Variants in KIF7 observed in about 807,000 individuals in gnomAD.
The protein encoded by KIF7 is kinesin-like protein KIF7.
A neutral mutation model predicts 135.7 loss-of-function variants in KIF7; 104 were observed. The observed-to-expected ratio is 0.77, with a 90% CI of 0.65 to 0.90. The LOEUF is 0.90. KIF7 is among the 40% of genes least tolerant of loss of function. The pLI is 0.00. For synonymous variants in KIF7, 883 were observed against 809.4 expected, an observed-to-expected ratio of 1.09 and a Z score of -1.54; for missense variants, 2,005 against 1,839.1, an observed-to-expected ratio of 1.09 and a Z score of -1.65.
intron 11 of KIF7, among the ~76,000 whole-genome samples, chr15:89,635,050 C>A (rs1283988507): frequency 6.6e-6 from 1 of 152,090 alleles, no homozygotes; most frequent in African/African-American, 2.4e-5. Flanking sequence ...CTGGGAGGCA[C>A]CCCCCAGCAG....
chr15:89,652,781 G>A lies in KIF7; in HGVS notation c.150C>T (p.Gly50=), dbSNP rs1964144674. ...VEPGLGRVTL[G]RDRHFGFHVV... is the part of the protein sequence containing the mutation. ...CGTGGAAGCCAAAGTGTCGGTCACG[G>A]CCCAGAGTGACGCGGCCAAGCCCTG... is the stretch of plus-strand genomic sequence containing the variant. Residue 50 remains glycine (G), a synonymous_variant, in exon 2 of 19, where the codon GGC becomes GGT. Coordinates refer to ENST00000394412, the MANE Select transcript of KIF7 (RefSeq NM_198525.3). 3 of 1,551,460 alleles carry A rather than the reference G, an allele frequency of 1.9e-6. No individual in the cohort carries two copies. Among genetic ancestry groups the A allele is most frequent in the Non-Finnish European group, 2.6e-6 (3 of 1,146,970 alleles).
rs1963941783 is a variant in KIF7 at position 89,642,444 on chromosome 15, T to G, written c.2192-39A>C. ...GGAATGTCAGCACAGGCAGCCCTGC[T>G]CCACCGAGAGGGCCAGCTGTTTGTC... is the stretch of plus-strand genomic sequence containing the variant. On this transcript the variant is annotated intron_variant, in intron 10 of 18. Transcript: ENST00000394412. 3.3e-6 allele frequency: 5 copies of G among 1,502,748 alleles called. No individual in the cohort carries two copies. In the East Asian group the frequency reaches 1.3e-4, roughly 38 times the overall value. The allele number at this position is 1,502,748 out of a possible 1,614,324, so 93.1% of individuals were successfully genotyped here.
At chr15:89,635,849 G>A (rs1450159677) in intron 11 of KIF7, among the ~76,000 whole-genome samples, 1 of 152,096 alleles carries the variant, frequency 6.6e-6, no homozygotes, top group East Asian at 1.9e-4. Flanking sequence ...TACTCCTCAA[G>A]AAGAGCAACT....
downstream of KIF7, chr15:89,624,815 C>A: frequency 6.2e-7 from 1 of 1,614,170 alleles, no homozygotes. Context: ...TCTTCTCTGT[C>A]TCACCCTGGG....
At chr15:89,625,151 T>C (rs1223794338), downstream of KIF7, 9 of 1,613,768 alleles carry the variant, frequency 5.6e-6, no homozygotes, top group Non-Finnish European at 6.8e-6. Flanking sequence ...AGCAGGTCCT[T>C]AAGCAAACCT....
intron 10 of KIF7, among the ~76,000 whole-genome samples, chr15:89,643,121 G>A (rs2142018449): frequency 6.6e-6 from 1 of 152,302 alleles, no homozygotes; most frequent in Non-Finnish European, 1.5e-5. Flanking sequence ...TGAGAGAAGG[G>A]AGATGTCAGA....
At position 89,633,852 on chromosome 15, in the gene KIF7, C is replaced by G. The variant is rs758378987; in HGVS notation, c.2426G>C (p.Arg809Pro). Residue 809 changes from arginine (R) to proline (P), a missense_variant, in exon 12 of 19, where the codon CGG becomes CCG. Coordinates refer to ENST00000394412, the MANE Select transcript of KIF7 (RefSeq NM_198525.3). ...ACTCTGGGCCGACAGTGACACCAGC[C>G]GCTCCGTAGCCTGCTTCTTCTCCTT... ...VLKEKKQATE[R>P]LVSLSAQSEK... 3.1e-6 allele frequency: 5 copies of G among 1,613,816 alleles called. No homozygotes were observed. In the South Asian group the frequency reaches 5.5e-5, roughly 18 times the overall value.
At position 89,645,080 on chromosome 15, in the gene KIF7, C is replaced by CAGCAGAAG; in HGVS notation, c.2123_2124insCTTCTGCT (p.Gln708HisfsTer4). On this transcript the variant is annotated frameshift_variant, in exon 10 of 19. Transcript: ENST00000394412. LOFTEE classifies it high-confidence loss of function. Reference sequence around the variant, plus strand: ...TGTTGATAGCCAGCTCCCGGATCTTCTGCTGGGCCTGGGCCAGCCGCCACT... The same window carrying CAGCAGAAG: ...TGTTGATAGCCAGCTCCCGGATCTTCAGCAGAAGTGCTGGGCCTGGGCCAGCCGCCACT... 6.2e-7 allele frequency: 1 copy of CAGCAGAAG among 1,604,686 alleles called. No homozygotes were observed. The highest frequency in any genetic ancestry group is 8.5e-7 in the Non-Finnish European group (1 of 1,179,968).
rs201251064 is a variant in KIF7, at chr15:89,642,418, G to A, written c.2192-13C>T. Reference sequence around the variant, plus strand: ...TGAGCTGCCTTTCCTGGAAGAAAGCGGGAATGTCAGCACAGGCAGCCCTGC... The same window carrying A: ...TGAGCTGCCTTTCCTGGAAGAAAGCAGGAATGTCAGCACAGGCAGCCCTGC... On this transcript the variant is annotated splice_polypyrimidine_tract_variant and intron_variant, in intron 10 of 18. Coordinates refer to ENST00000394412, the MANE Select transcript of KIF7 (RefSeq NM_198525.3). 3.6e-3 allele frequency: 5,753 copies of A among 1,579,596 alleles called. 16 individuals are homozygous for A. Among genetic ancestry groups the A allele is most frequent in the Non-Finnish European group, 4.5e-3 (5,289 of 1,163,614 alleles).
At position 89,648,273 on chromosome 15, in the gene KIF7, C is replaced by T; in HGVS notation, c.1425G>A (p.Gln475=). 1 of 1,519,306 alleles carries T rather than the reference C, an allele frequency of 6.6e-7. No homozygotes were observed. The highest frequency in any genetic ancestry group is 8.8e-7 in the Non-Finnish European group (1 of 1,136,758). 94.1% of individuals were successfully genotyped at this position (1,519,306 alleles called of 1,614,324 possible). The change falls in exon 5 of 19, where the codon CAG becomes CAA. Residue 475 remains glutamine, a synonymous_variant. Coordinates refer to ENST00000394412, the MANE Select transcript of KIF7 (RefSeq NM_198525.3). ...ESASVEDQAA[Q]GAGGRKEDEG... ...CGGCCACCTTTCGCCCGCCGGCCCCCTGCGCCGCCTGGTCCTCGACGGAGG... is the reference window on the plus strand; with the variant it reads ...CGGCCACCTTTCGCCCGCCGGCCCCTTGCGCCGCCTGGTCCTCGACGGAGG...
the KIF7 span, among the ~76,000 whole-genome samples, chr15:89,662,295 G>A: frequency 2.0e-5 from 3 of 151,794 alleles, no homozygotes; most frequent in Non-Finnish European, 4.4e-5. Context: ...TCAGGAGTTC[G>A]AGACCAGCCT....
chr15:89,661,744 G>A, the KIF7 span, among the ~76,000 whole-genome samples: 1 of 148,842 alleles, frequency 6.7e-6, no homozygotes, highest in African/African-American at 2.5e-5. Flanking sequence ...TTTTTGAGAT[G>A]GAGTTTCGCT....
intron 5 of KIF7, among the ~76,000 whole-genome samples, chr15:89,648,040 T>C (rs751591929): frequency 8.5e-5 from 13 of 152,140 alleles, no homozygotes; most frequent in Non-Finnish European, 1.8e-4. Flanking sequence ...AGAGATGGGG[T>C]AAGTCCTACG....
At chr15:89,618,037 G>A (rs1963363654) in exon 2 of KIF7, 3 of 1,052,400 alleles carry the variant, frequency 2.9e-6, no homozygotes, top group Non-Finnish European at 4.5e-6. Flanking sequence ...ACCAGCACTG[G>A]TGTTATCAGA....
At chr15:89,618,103 G>A (rs1963364428) in exon 2 of KIF7, 1 of 1,571,962 alleles carries the variant, frequency 6.4e-7, no homozygotes, top group Non-Finnish European at 8.8e-7. Flanking sequence ...CTTAATAAGT[G>A]TTAATTACAA....
chr15:89,625,224 G>A (rs759224785), downstream of KIF7: 26 of 1,613,554 alleles, frequency 1.6e-5, no homozygotes, highest in Non-Finnish European at 1.9e-5. Flanking sequence ...GCAAGAGCAG[G>A]GGGCAAACCT....
chr15:89,633,856 C>T lies in KIF7; in HGVS notation c.2422G>A (p.Glu808Lys). The T allele has an allele frequency of 1.2e-6, 2 of 1,613,836 alleles. No homozygotes were observed. Among genetic ancestry groups the T allele is most frequent in the Non-Finnish European group, 1.7e-6 (2 of 1,180,044 alleles). The change falls in exon 12 of 19, where the codon GAG (glutamate) becomes AAG (lysine). Residue 808 changes from glutamate to lysine, a missense_variant. Glu to Lys is a moderately conservative substitution (Grantham distance 56). Coordinates refer to ENST00000394412, the MANE Select transcript of KIF7 (RefSeq NM_198525.3). Reference sequence around the variant, plus strand: ...TGGGCCGACAGTGACACCAGCCGCTCCGTAGCCTGCTTCTTCTCCTTCAGC... The same window carrying T: ...TGGGCCGACAGTGACACCAGCCGCTTCGTAGCCTGCTTCTTCTCCTTCAGC... ...QVLKEKKQATERLVSLSAQSE... is the reference protein window; with the variant it reads ...QVLKEKKQATKRLVSLSAQSE...
upstream of KIF7, among the ~76,000 whole-genome samples, chr15:89,657,177 G>C (rs1266402424): frequency 6.6e-6 from 1 of 152,034 alleles, no homozygotes; most frequent in Non-Finnish European, 1.5e-5. Context: ...GTAGTGGCAT[G>C]GGCCTATAGT....
intron 12 of KIF7, 142 bp downstream of exon 12, chr15:89,633,543 GA>G: frequency 1.0e-6 from 1 of 961,068 alleles, no homozygotes; most frequent in Non-Finnish European, 1.6e-6. Context: ...ATTTTCAGAT[GA>G]AAAAACAGAC....
Sources: gnomAD v4.1 joint callset for allele counts (sites outside exome capture counted in the v4.1 genomes callset) on GRCh38, gnomAD v4.1.1 for gene constraint, MANE v1.5 for transcripts, NCBI Gene and HGNC (gene_info 2026-07-23, HGNC 2026-07-21) for gene names.